CSMD1: variants seen among roughly 807,000 people sequenced by gnomAD.
The protein encoded by CSMD1 is CUB and Sushi multiple domains 1.
In CSMD1, 213 loss-of-function variants were observed where a neutral mutation model predicts 417.5. That is an observed-to-expected ratio of 0.51 (90% CI 0.46 to 0.57). The LOEUF (loss-of-function observed/expected upper bound fraction) is 0.57. Among genes scored for constraint, CSMD1 ranks in the 20% least tolerant of loss-of-function variants. CSMD1 has a pLI of 0.00. For synonymous variants in CSMD1, 2,862 were observed against 1,736.8 expected, an observed-to-expected ratio of 1.65 and a Z score of -16.11; for missense variants, 6,923 against 4,529.7, an observed-to-expected ratio of 1.53 and a Z score of -15.17.
chr8:4,578,332 A>ATTTTTCTTTTTTTTTT (rs1799238990), intron 2 of CSMD1, among the ~76,000 whole-genome samples: 6 of 48,768 alleles, frequency 1.2e-4, no homozygotes, highest in African/African-American at 4.6e-4. Context: ...CACCCGGCTC[A>ATTTTTCTTTTTTTTTT]TTTTTTTTTT....
intron 68 of CSMD1, among the ~76,000 whole-genome samples, chr8:2,943,186 A>C (rs1469207834): frequency 2.0e-5 from 3 of 152,160 alleles, no homozygotes; most frequent in Non-Finnish European, 4.4e-5. Context: ...GAAGACACAA[A>C]ATAATGCTAA....
At chr8:3,194,096 C>A (rs1231412666) in intron 33 of CSMD1, among the ~76,000 whole-genome samples, 2 of 152,180 alleles carry the variant, frequency 1.3e-5, no homozygotes, top group Non-Finnish European at 2.9e-5. Flanking sequence ...CATTACTAGT[C>A]AATGAATTAA....
At position 4,969,748 on chromosome 8, in the gene CSMD1, G is replaced by C. The variant is rs143262327; in HGVS notation, c.85+24584C>G. Among the ~76,000 whole-genome samples, 1,087 of 152,066 alleles carry C rather than the reference G, an allele frequency of 7.1e-3. 12 individuals are homozygous for C. The highest frequency in any genetic ancestry group is 0.025 in the African/African-American group (1,023 of 41,506). Reference sequence around the variant, plus strand: ...CCACACTATTGCACTATGCTCCACTGTTTTGATTTCCTGAGAAGACAATGA... The same window carrying C: ...CCACACTATTGCACTATGCTCCACTCTTTTGATTTCCTGAGAAGACAATGA... On this transcript the variant is annotated intron_variant, in intron 1 of 69. Coordinates refer to ENST00000635120, the MANE Select transcript of CSMD1 (RefSeq NM_033225.6).
intron 5 of CSMD1, among the ~76,000 whole-genome samples, chr8:3,836,174 T>C (rs1007624947): frequency 6.6e-6 from 1 of 152,196 alleles, no homozygotes; most frequent in Non-Finnish European, 1.5e-5. Flanking sequence ...TCTCAGTTTA[T>C]TATAGATTTT....
At chr8:3,046,569 G>T (rs1334991368) in intron 50 of CSMD1, among the ~76,000 whole-genome samples, 1 of 152,116 alleles carries the variant, frequency 6.6e-6, no homozygotes, top group African/African-American at 2.4e-5. Context: ...CTATGTACAG[G>T]CTGCTGGAAT....
chr8:4,198,084 G>A (rs771837066), intron 3 of CSMD1, among the ~76,000 whole-genome samples: 1 of 152,238 alleles, frequency 6.6e-6, no homozygotes, highest in Non-Finnish European at 1.5e-5. Context: ...AGCGAGGGAA[G>A]TCTGGGAGTC....
intron 4 of CSMD1, among the ~76,000 whole-genome samples, chr8:4,023,399 A>C: frequency 6.6e-6 from 1 of 152,060 alleles, no homozygotes; most frequent in East Asian, 1.9e-4. Flanking sequence ...AAACAAAAGT[A>C]ATTCCAATTT....
chr8:4,129,149 T>A (rs1802943389), intron 3 of CSMD1, among the ~76,000 whole-genome samples: 1 of 152,068 alleles, frequency 6.6e-6, no homozygotes, highest in South Asian at 2.1e-4. Flanking sequence ...CATCTGTACT[T>A]ATCACCAACA....
intron 1 of CSMD1, among the ~76,000 whole-genome samples, chr8:4,933,101 C>T (rs997347657): frequency 3.3e-5 from 5 of 152,058 alleles, no homozygotes; most frequent in Non-Finnish European, 7.4e-5. Context: ...TAATTAATCA[C>T]CTTACATACT....
chr8:4,541,962 C>A lies in CSMD1; in HGVS notation c.302+95380G>T, dbSNP rs188702861. Among the ~76,000 whole-genome samples, 349 of 152,232 alleles carry A rather than the reference C, an allele frequency of 2.3e-3. 2 individuals carry two copies. Among genetic ancestry groups the A allele is most frequent in the African/African-American group, 7.9e-3 (328 of 41,542 alleles). ...GCAGGCGATGAATTTCCAGATGAGG[C>A]CTGACTGACCTCAGATGTGGAGGAA... On this transcript the variant is annotated intron_variant, in intron 2 of 69. Transcript: ENST00000635120.
At chr8:4,879,406 G>A (rs1452144992) in intron 1 of CSMD1, among the ~76,000 whole-genome samples, 1 of 152,120 alleles carries the variant, frequency 6.6e-6, no homozygotes, top group African/African-American at 2.4e-5. Flanking sequence ...TTAGTGCAAT[G>A]AATTGATATG....
At chr8:3,950,055 G>C (rs1005958694) in intron 5 of CSMD1, 1 of 448,196 alleles carries the variant, frequency 2.2e-6, no homozygotes. Flanking sequence ...GCTACAGACA[G>C]GACTGAGTTG....
chr8:3,703,779 C>G (rs181178065), intron 7 of CSMD1, among the ~76,000 whole-genome samples: 10 of 152,196 alleles, frequency 6.6e-5, no homozygotes, highest in Admixed American at 3.9e-4. Flanking sequence ...CCTGTATAAA[C>G]TTAACTCTCA....
intron 1 of CSMD1, among the ~76,000 whole-genome samples, chr8:4,731,564 T>C (rs1809867307): frequency 6.6e-6 from 1 of 152,210 alleles, no homozygotes; most frequent in Admixed American, 6.5e-5. Flanking sequence ...AAATACATGT[T>C]TATTGAATAT....
intron 17 of CSMD1, among the ~76,000 whole-genome samples, chr8:3,390,164 G>C (rs780286027): frequency 4.6e-5 from 7 of 151,866 alleles, no homozygotes; most frequent in Non-Finnish European, 7.4e-5. Flanking sequence ...AGACCAGCCT[G>C]GCCAACCTGA....
chr8:4,574,569 G>A (rs774560338), intron 2 of CSMD1, among the ~76,000 whole-genome samples: 11 of 152,252 alleles, frequency 7.2e-5, no homozygotes, highest in African/African-American at 1.9e-4. Context: ...GTTCCTATTC[G>A]GTCATCTTGC....
chr8:3,909,426 G>C (rs3877993), intron 5 of CSMD1, among the ~76,000 whole-genome samples: 9,312 of 152,188 alleles, frequency 0.061, 342 homozygotes, highest in South Asian at 0.13. Context: ...CCGAGGGCAG[G>C]ATACGCAGAA....
intron 5 of CSMD1, among the ~76,000 whole-genome samples, chr8:3,972,189 G>A (rs910040934): frequency 6.6e-6 from 1 of 151,742 alleles, no homozygotes; most frequent in Non-Finnish European, 1.5e-5. Flanking sequence ...CCATAGATGT[G>A]ATTTCCTATC....
At chr8:3,515,950 A>T (rs1797265285) in intron 10 of CSMD1, among the ~76,000 whole-genome samples, 1 of 152,220 alleles carries the variant, frequency 6.6e-6, no homozygotes, top group Admixed American at 6.5e-5. Context: ...TGTTTGAGTG[A>T]CGTACCAAAC....
Sources: gnomAD v4.1 joint callset for allele counts (sites outside exome capture counted in the v4.1 genomes callset) on GRCh38, gnomAD v4.1.1 for gene constraint, MANE v1.5 for transcripts, NCBI Gene and HGNC (gene_info 2026-07-23, HGNC 2026-07-21) for gene names.